Variants in GRK3 observed in about 807,000 individuals in gnomAD.
The protein encoded by GRK3 is adrenergic, beta, receptor kinase 2.
A neutral mutation model predicts 95.7 loss-of-function variants in GRK3; 54 were observed. The observed-to-expected ratio is 0.56, with a 90% CI of 0.45 to 0.71. The LOEUF is 0.71. Ranked by LOEUF, GRK3 falls within the 30% of genes least tolerant of loss-of-function variation. The probability of loss-of-function intolerance (pLI) is 0.00; values close to 1 mark genes in which losing one functional copy is unlikely to be tolerated. For missense variants in GRK3, 649 were observed against 851.2 expected, an observed-to-expected ratio of 0.76 and a Z score of 2.96; for synonymous variants, 281 against 290.8, an observed-to-expected ratio of 0.97 and a Z score of 0.34.
chr22:25,706,619 C>T (rs1257478216), intron 15 of GRK3, among the ~76,000 whole-genome samples: 1 of 152,208 alleles, frequency 6.6e-6, no homozygotes, highest in African/African-American at 2.4e-5. Flanking sequence ...CAAACTCTGT[C>T]TCCCAGGTTC....
intron 2 of GRK3, among the ~76,000 whole-genome samples, chr22:25,615,342 C>T (rs1399313313): frequency 6.6e-6 from 1 of 152,062 alleles, no homozygotes; most frequent in Non-Finnish European, 1.5e-5. Flanking sequence ...TTTGAACTGA[C>T]AGTGGGGGAC....
At chr22:25,593,909 A>G (rs1362584993) in intron 1 of GRK3, among the ~76,000 whole-genome samples, 1 of 152,162 alleles carries the variant, frequency 6.6e-6, no homozygotes, top group Non-Finnish European at 1.5e-5. Context: ...TCAGATAGCT[A>G]AAGCTGCATG....
At chr22:25,664,765 C>T (rs566013839) in intron 5 of GRK3, among the ~76,000 whole-genome samples, 14 of 152,012 alleles carry the variant, frequency 9.2e-5, no homozygotes, top group South Asian at 4.1e-4. Flanking sequence ...GTGATCCGCC[C>T]GCCTCGGCCT....
intron 1 of GRK3, among the ~76,000 whole-genome samples, chr22:25,586,410 G>A (rs1460542387): frequency 6.6e-6 from 1 of 152,288 alleles, no homozygotes; most frequent in Non-Finnish European, 1.5e-5. Flanking sequence ...GGAGGGGTTG[G>A]ATACTCCATT....
At position 25,685,360 on chromosome 22, in the gene GRK3, T is replaced by A. The variant is rs73879517; in HGVS notation, c.826+112T>A. On this transcript the variant is annotated intron_variant, in intron 10 of 20. Transcript: ENST00000324198. ...AATGTGGGTCTTTCAGGTAATTAGG[T>A]TCCCCCTGAAGTTTGAGGAAACCTT... The A allele has an allele frequency of 0.02, 16,750 of 834,426 alleles. 1,742 individuals carry two copies. The African/African-American group carries it at 0.24, about 12-fold the overall frequency. The allele number at this position is 834,426 out of a possible 1,614,324, so 51.7% of individuals were successfully genotyped here. A position where few individuals can be genotyped will look rare whatever the true frequency, so the allele number is the denominator to read the frequency against.
intron 5 of GRK3, among the ~76,000 whole-genome samples, chr22:25,666,868 C>G (rs556991788): frequency 6.6e-6 from 1 of 152,226 alleles, no homozygotes; most frequent in African/African-American, 2.4e-5. Flanking sequence ...CTAATTGACT[C>G]TGGGCTGAAC....
chr22:25,623,709 C>T (rs888546478), intron 2 of GRK3, among the ~76,000 whole-genome samples: 1 of 152,154 alleles, frequency 6.6e-6, no homozygotes, highest in African/African-American at 2.4e-5. Context: ...ATTAATGACA[C>T]CGCTGTTCTC....
chr22:25,703,462 A>C (rs77727908), intron 13 of GRK3, 48 bp from the exon 14 acceptor site: 1 of 1,449,742 alleles, frequency 6.9e-7, no homozygotes, highest in Non-Finnish European at 9.7e-7. Flanking sequence ...GATATGTTCT[A>C]TATCACCTGA....
intron 11 of GRK3, among the ~76,000 whole-genome samples, 190 bp downstream of exon 11, chr22:25,687,857 C>T (rs2085128692): frequency 6.6e-6 from 1 of 152,298 alleles, no homozygotes; most frequent in South Asian, 2.1e-4. Context: ...GCATGTCTGT[C>T]CCTGTCATTA....
intron 17 of GRK3, among the ~76,000 whole-genome samples, chr22:25,713,809 G>A (rs1357442743): frequency 6.6e-6 from 1 of 152,134 alleles, no homozygotes; most frequent in Non-Finnish European, 1.5e-5. Flanking sequence ...AGCTCTTAAA[G>A]GCTCCATTGC....
chr22:25,645,247 G>A (rs1365043497), intron 3 of GRK3, among the ~76,000 whole-genome samples: 2 of 152,126 alleles, frequency 1.3e-5, no homozygotes, highest in Non-Finnish European at 2.9e-5. Flanking sequence ...CAGACCTGCT[G>A]GAGTCTGGAG....
chr22:25,720,720 C>T, intron 19 of GRK3, among the ~76,000 whole-genome samples: 1 of 152,068 alleles, frequency 6.6e-6, no homozygotes, highest in East Asian at 1.9e-4. Flanking sequence ...CGTGATGCAC[C>T]CGCCTCGGCC....
At chr22:25,641,155 G>A (rs996574141) in intron 2 of GRK3, among the ~76,000 whole-genome samples, 3 of 152,210 alleles carry the variant, frequency 2.0e-5, no homozygotes, top group Non-Finnish European at 2.9e-5. Context: ...GTGCACATAG[G>A]AGGAAAATAA....
rs542784100 is a variant in GRK3 at position 25,584,367 on chromosome 22, T to C, written c.113+19214T>C. On this transcript the variant is annotated intron_variant, in intron 1 of 20. Coordinates refer to ENST00000324198, the MANE Select transcript of GRK3 (RefSeq NM_005160.4). ...GAACGTGATTCCTTTGTTCAAGGAA[T>C]CCTCAGTGTAGATGCTACTGCCCTG... Among the ~76,000 whole-genome samples, 6 of 152,406 alleles carry C rather than the reference T, an allele frequency of 3.9e-5. No individual in the cohort carries two copies. The South Asian group carries it at 1.2e-3, about 32-fold the overall frequency.
At chr22:25,579,831 TAA>T (rs199753786) in intron 1 of GRK3, among the ~76,000 whole-genome samples, 1 of 152,032 alleles carries the variant, frequency 6.6e-6, no homozygotes, top group Non-Finnish European at 1.5e-5. Flanking sequence ...GGCGAAATTT[TAA>T]AAAAATCCCC....
chr22:25,584,752 G>C (rs1422560396), intron 1 of GRK3, among the ~76,000 whole-genome samples: 1 of 151,914 alleles, frequency 6.6e-6, no homozygotes, highest in Non-Finnish European at 1.5e-5. Context: ...TATACTATCT[G>C]CAGGTTCAGG....
rs1231636707 is a variant in GRK3, at chr22:25,728,352, C to G, written c.*5902C>G. On this transcript the variant is annotated 3_prime_UTR_variant, in exon 21 of 21. Coordinates refer to ENST00000324198, the MANE Select transcript of GRK3 (RefSeq NM_005160.4). ...TGCTTGTTGACAAGTACCGCAAAGG[C>G]TTTATTCTGGACTGGCTATCTCATA... 1 of 152,210 alleles carries G rather than the reference C, an allele frequency of 6.6e-6. No individual in the cohort carries two copies. Among genetic ancestry groups the G allele is most frequent in the Non-Finnish European group, 1.5e-5 (1 of 68,036 alleles). 9.4% of individuals were successfully genotyped at this position (152,210 alleles called of 1,614,324 possible). A position where few individuals can be genotyped will look rare whatever the true frequency, so the allele number is the denominator to read the frequency against.
intron 8 of GRK3, among the ~76,000 whole-genome samples, chr22:25,678,229 C>T (rs1490075272): frequency 7.2e-5 from 11 of 151,928 alleles, no homozygotes; most frequent in Admixed American, 2.0e-4. Flanking sequence ...CTGAGGTGGG[C>T]GGATCATGAG....
At chr22:25,647,808 C>T in intron 3 of GRK3, 1 of 877,102 alleles carries the variant, frequency 1.1e-6, no homozygotes, top group Non-Finnish European at 1.9e-6. Flanking sequence ...GAGGTATTTT[C>T]TTAGGAAGAG....
Sources: allele counts gnomAD v4.1 joint callset (sites outside exome capture counted in the v4.1 genomes callset), GRCh38; gene constraint gnomAD v4.1.1; transcripts MANE v1.5; gene names NCBI Gene and HGNC (gene_info 2026-07-23, HGNC 2026-07-21).